The following USP36 variants were observed in gnomAD, a reference collection of about 807,000 sequenced individuals.
The protein encoded by USP36 is ubiquitin carboxyl-terminal hydrolase 36.
Under a neutral mutation model 111.5 loss-of-function variants are expected in USP36, and 59 were observed. The observed-to-expected ratio is 0.53, with a 90% CI of 0.43 to 0.66. The LOEUF is 0.66. Ranked by LOEUF, USP36 falls within the 30% of genes least tolerant of loss-of-function variation. The probability of loss-of-function intolerance (pLI) is 0.00; values close to 1 mark genes in which losing one functional copy is unlikely to be tolerated. For missense variants in USP36, 1,488 were observed against 1,468.0 expected (o/e 1.01, Z -0.22); for synonymous variants, 628 against 581.0 (o/e 1.08, Z -1.16).
At position 78,802,364 on chromosome 17, in the gene USP36, G is replaced by A. The variant is rs147286136; in HGVS notation, c.2982C>T (p.Cys994=). ...QDAVVPESSS[C]APSANGWCPG... ...GACACCAGCCATTCGCGGATGGTGC[G>A]CAGCTGCTGGACTCGGGGACAACAG... The change falls in exon 17 of 21, where the codon TGC becomes TGT. Residue 994 remains cysteine (C), a synonymous_variant. Coordinates refer to ENST00000449938, the MANE Select transcript of USP36 (RefSeq NM_001385174.1). 1.9e-5 allele frequency: 30 copies of A among 1,601,684 alleles called. No individual in the cohort carries two copies. The highest frequency in any genetic ancestry group is 2.0e-4 in the Middle Eastern group (1 of 5,018).
At chr17:78,813,037 A>C in intron 12 of USP36, 36 bp from the exon 13 acceptor site, 1 of 1,612,360 alleles carries the variant, frequency 6.2e-7, no homozygotes, top group Non-Finnish European at 8.5e-7. Context: ...GAATTCTCTT[A>C]CTAGGCATTA....
intron 6 of USP36, chr17:78,823,297 G>T: frequency 5.0e-6 from 2 of 397,992 alleles, no homozygotes; most frequent in South Asian, 1.3e-4. Flanking sequence ...CATGGACTGA[G>T]AACTGTGGGT....
At chr17:78,808,069 A>T (rs568494833) in intron 13 of USP36, among the ~76,000 whole-genome samples, 17 of 152,354 alleles carry the variant, frequency 1.1e-4, no homozygotes, top group Non-Finnish European at 1.9e-4. Flanking sequence ...ATTTGGGAAG[A>T]GAAAAAAGTA....
At chr17:78,820,862 G>T in intron 8 of USP36, 129 bp downstream of exon 8, 1 of 968,320 alleles carries the variant, frequency 1.0e-6, no homozygotes, top group Non-Finnish European at 1.6e-6. Context: ...TGTACTGCAA[G>T]GCGGCAGGGA....
intron 2 of USP36, 77 bp from the exon 3 acceptor site, chr17:78,836,449 T>C (rs2068678822): frequency 8.5e-6 from 13 of 1,529,512 alleles, no homozygotes; most frequent in South Asian, 1.3e-5. Context: ...ATCTCCTCTT[T>C]GGTCATTATG....
At chr17:78,816,644 A>G (rs2094196795) in intron 10 of USP36, among the ~76,000 whole-genome samples, 2 of 151,680 alleles carry the variant, frequency 1.3e-5, no homozygotes, top group Non-Finnish European at 2.9e-5. Context: ...AAACAAAAAA[A>G]CCAAAATTTT....
chr17:78,827,361 A>C lies in USP36; in HGVS notation c.587-14T>G, dbSNP rs1053552142. On this transcript the variant is annotated splice_polypyrimidine_tract_variant and intron_variant, in intron 5 of 20. Transcript: ENST00000449938. ...GTCGGGCGATCTCTAAAAGAGGAAG[A>C]AACAGGGAGGGAAGAGCTCGTGTCT... 6.2e-7 allele frequency: 1 copy of C among 1,603,172 alleles called. No homozygotes were observed. Among genetic ancestry groups the C allele is most frequent in the African/African-American group, 1.3e-5 (1 of 74,774 alleles).
chr17:78,835,271 C>T lies in USP36; in HGVS notation c.475+9G>A. The T allele has an allele frequency of 6.2e-7, 1 of 1,613,470 alleles. No individual in the cohort carries two copies. The highest frequency in any genetic ancestry group is 1.1e-5 in the South Asian group (1 of 90,900). On this transcript the variant is annotated intron_variant, in intron 4 of 20. Coordinates refer to ENST00000449938, the MANE Select transcript of USP36 (RefSeq NM_001385174.1). ...CACAGCCACCCCACTGCTGCAAACC[C>T]ACACTCACAGCTGCGAGCATGCTCC... is the stretch of plus-strand genomic sequence containing the variant.
intron 8 of USP36, among the ~76,000 whole-genome samples, chr17:78,820,716 C>G (rs1301482676): frequency 1.3e-5 from 2 of 152,178 alleles, no homozygotes; most frequent in South Asian, 2.1e-4. Context: ...ACACAACAGA[C>G]TCTCCTCAAG....
Position 78,818,674 on chromosome 17 carries a change from A to G in USP36, c.1016T>C (p.Ile339Thr). Residue 339 changes from isoleucine to threonine, a missense_variant, in exon 10 of 21, where the codon ATC becomes ACC. Coordinates refer to ENST00000449938, the MANE Select transcript of USP36 (RefSeq NM_001385174.1). ...GGTGTCACGAGCGCTCACCTTGGTG[A>G]TCTTCCCCCCGCTGAAGTTGGCAAA... Reference protein sequence around the residue: ...KRFANFSGGKITKDVGYPEFL... With the variant: ...KRFANFSGGKTTKDVGYPEFL... 6.2e-7 allele frequency: 1 copy of G among 1,613,808 alleles called. No homozygotes were observed. The highest frequency in any genetic ancestry group is 8.5e-7 in the Non-Finnish European group (1 of 1,179,782).
At chr17:78,792,826 CT>C (rs1288170596), downstream of USP36, among the ~76,000 whole-genome samples, 4 of 152,180 alleles carry the variant, frequency 2.6e-5, no homozygotes, top group Non-Finnish European at 4.4e-5. Flanking sequence ...TCAAGCAGTT[CT>C]CCTGCCTCAG....
Position 78,805,250 on chromosome 17 carries a change from C to T in USP36, c.2216+906G>A, listed in dbSNP as rs535812910. Among the ~76,000 whole-genome samples, 13 of 152,318 alleles carry T rather than the reference C, an allele frequency of 8.5e-5. No individual in the cohort carries two copies. In the South Asian group the frequency reaches 1.2e-3, roughly 15 times the overall value. On this transcript the variant is annotated intron_variant, in intron 15 of 20. Coordinates refer to ENST00000449938, the MANE Select transcript of USP36 (RefSeq NM_001385174.1). ...GCCAGCTGCACGATGTTTGATTACT[C>T]TAAGTGTCTTCTGGAATCTTTTCCA...
intron 13 of USP36, among the ~76,000 whole-genome samples, 159 bp downstream of exon 13, chr17:78,812,697 GAAAA>G (rs572009070): frequency 5.7e-5 from 3 of 52,654 alleles, no homozygotes; most frequent in Non-Finnish European, 4.1e-5. Context: ...ACTCTGTCTC[GAAAA>G]AAAAAAAAAA....
intron 3 of USP36, among the ~76,000 whole-genome samples, chr17:78,789,843 G>T (rs576134385): frequency 6.6e-6 from 1 of 152,344 alleles, no homozygotes; most frequent in South Asian, 2.1e-4. Flanking sequence ...AACAAAGGGG[G>T]TGCGGGTAGG....
chr17:78,811,920 G>A (rs1238546480), intron 13 of USP36, among the ~76,000 whole-genome samples: 1 of 152,102 alleles, frequency 6.6e-6, no homozygotes, highest in Non-Finnish European at 1.5e-5. Context: ...TTAAGAGTTT[G>A]CTTGGTGCCT....
chr17:78,802,602 A>C (rs946484598), intron 16 of USP36, 67 bp from the exon 17 acceptor site: 12 of 1,450,414 alleles, frequency 8.3e-6, no homozygotes, highest in East Asian at 7.4e-5. Flanking sequence ...GCGCACAGAC[A>C]CCCGCCTGCA....
At chr17:78,823,764 G>A (rs546708644) in intron 6 of USP36, among the ~76,000 whole-genome samples, 1 of 152,034 alleles carries the variant, frequency 6.6e-6, no homozygotes, top group Non-Finnish European at 1.5e-5. Flanking sequence ...GAAACATCAG[G>A]GTCCTGAAAA....
intron 3 of USP36, among the ~76,000 whole-genome samples, chr17:78,788,559 T>C (rs1180273660): frequency 6.6e-6 from 1 of 151,722 alleles, no homozygotes; most frequent in East Asian, 1.9e-4. Flanking sequence ...TTCCAGAAGG[T>C]GCAAGCTGGA....
In USP36 at chr17:78,806,153, T is replaced by C. The variant is rs1352812740; in HGVS notation, c.2216+3A>G. On this transcript the variant is annotated splice_donor_region_variant and intron_variant, in intron 15 of 20. Transcript: ENST00000449938. ...ACCCAGAAGATCCCGGCCCAAAGCT[T>C]ACCTGGCTCTATGGACGGGCCAAGT... The C allele has an allele frequency of 2.5e-6, 4 of 1,613,224 alleles. No individual in the cohort carries two copies. The highest frequency in any genetic ancestry group is 3.4e-6 in the Non-Finnish European group (4 of 1,179,856).
Sources: allele counts gnomAD v4.1 joint callset (sites outside exome capture counted in the v4.1 genomes callset), GRCh38; gene constraint gnomAD v4.1.1; transcripts MANE v1.5; gene names NCBI Gene and HGNC (gene_info 2026-07-23, HGNC 2026-07-21).